The following EFCAB6 variants were observed in gnomAD, a reference collection of about 807,000 sequenced individuals.
EFCAB6 encodes the protein EF-hand calcium binding domain 6.
Under a neutral mutation model 169.8 loss-of-function variants are expected in EFCAB6, and 156 were observed. The observed-to-expected ratio is 0.92, with a 90% CI of 0.81 to 1.05. EFCAB6 has a LOEUF of 1.05. Among genes scored for constraint, EFCAB6 ranks in the 50% least tolerant of loss-of-function variants. The pLI is 0.00. For missense variants in EFCAB6, 1,800 were observed against 1,829.1 expected (o/e 0.98, Z 0.29); for synonymous variants, 698 against 676.4 (o/e 1.03, Z -0.50).
intron 4 of EFCAB6, among the ~76,000 whole-genome samples, chr22:43,768,916 T>C (rs186155846): frequency 6.6e-6 from 1 of 152,334 alleles, no homozygotes; most frequent in Non-Finnish European, 1.5e-5. Flanking sequence ...ATGAGGAAAC[T>C]GATACAATGT....
intron 23 of EFCAB6, among the ~76,000 whole-genome samples, chr22:43,599,093 G>A (rs1264333284): frequency 6.6e-6 from 1 of 152,164 alleles, no homozygotes; most frequent in African/African-American, 2.4e-5. Context: ...TGCCCAAAAC[G>A]TAATGGCCTG....
intron 3 of EFCAB6, among the ~76,000 whole-genome samples, chr22:43,777,632 G>C (rs1316769883): frequency 6.6e-6 from 1 of 152,098 alleles, no homozygotes; most frequent in Non-Finnish European, 1.5e-5. Context: ...TCCTCCTCCT[G>C]CCCCCAGTGT....
At chr22:43,545,574 G>A (rs2048009511) in intron 27 of EFCAB6, among the ~76,000 whole-genome samples, 4 of 152,178 alleles carry the variant, frequency 2.6e-5, no homozygotes, top group African/African-American at 7.2e-5. Context: ...AAAGTTTTGC[G>A]GATTGATGGT....
At chr22:43,724,320 A>T (rs1335957076) in intron 8 of EFCAB6, among the ~76,000 whole-genome samples, 3 of 149,874 alleles carry the variant, frequency 2.0e-5, no homozygotes, top group African/African-American at 7.4e-5. Flanking sequence ...TCCATCTCAG[A>T]CCTTGTCAGA....
intron 3 of EFCAB6, among the ~76,000 whole-genome samples, chr22:43,774,495 C>T (rs1390350221): frequency 6.6e-6 from 1 of 151,780 alleles, no homozygotes; most frequent in South Asian, 2.1e-4. Context: ...CCGACACCCA[C>T]TGAGGGCCCA....
chr22:43,675,793 A>G (rs2057731837), intron 13 of EFCAB6, among the ~76,000 whole-genome samples: 1 of 142,602 alleles, frequency 7.0e-6, no homozygotes, highest in South Asian at 2.1e-4. Context: ...TATATATTAT[A>G]ATATAATATA....
intron 10 of EFCAB6, among the ~76,000 whole-genome samples, chr22:43,692,693 A>G (rs1315431357): frequency 6.6e-6 from 1 of 152,182 alleles, no homozygotes; most frequent in South Asian, 2.1e-4. Context: ...CAATATGAAG[A>G]CTACAGAATA....
chr22:43,582,479 G>A (rs1191072744), intron 24 of EFCAB6, among the ~76,000 whole-genome samples: 2 of 152,132 alleles, frequency 1.3e-5, no homozygotes, highest in Non-Finnish European at 2.9e-5. Context: ...AGCCATCAAT[G>A]TGTGTGAAGA....
At chr22:43,676,957 C>G (rs926388782) in intron 13 of EFCAB6, among the ~76,000 whole-genome samples, 1 of 152,156 alleles carries the variant, frequency 6.6e-6, no homozygotes, top group Admixed American at 6.5e-5. Context: ...GAAACATCAC[C>G]TTTAGGGAAA....
intron 6 of EFCAB6, among the ~76,000 whole-genome samples, chr22:43,751,551 C>A (rs1264921697): frequency 6.6e-6 from 1 of 152,214 alleles, no homozygotes; most frequent in Non-Finnish European, 1.5e-5. Flanking sequence ...TGGGACCCCA[C>A]AGGCAGACAG....
intron 10 of EFCAB6, among the ~76,000 whole-genome samples, chr22:43,694,350 C>A (rs2058501774): frequency 6.6e-6 from 1 of 152,012 alleles, no homozygotes. Flanking sequence ...TAACTCCAGG[C>A]CTAAATGGCT....
At chr22:43,727,399 G>A (rs2059777437) in intron 8 of EFCAB6, among the ~76,000 whole-genome samples, 1 of 152,162 alleles carries the variant, frequency 6.6e-6, no homozygotes, top group Admixed American at 6.5e-5. Flanking sequence ...CTGCATTCCT[G>A]CCTGGGCAAC....
In EFCAB6 at chr22:43,540,241, C is replaced by CTCTCT; in HGVS notation, c.3764_3765insAGAGA (p.Ala1256GlufsTer29). On this transcript the variant is annotated frameshift_variant, in exon 28 of 32. Coordinates refer to ENST00000262726, the MANE Select transcript of EFCAB6 (RefSeq NM_022785.4). LOFTEE classifies it high-confidence loss of function. The stretch of plus-strand genomic sequence containing the variant: ...CACTGCTCCCTCTCTGGGCCACGGC[C>CTCTCT]GAGTCACCAGTGGCCATTGGTGTGG... 1 of 1,614,208 alleles carries CTCTCT rather than the reference C, an allele frequency of 6.2e-7. No individual in the cohort carries two copies. The highest frequency in any genetic ancestry group is 2.2e-5 in the East Asian group (1 of 44,876).
intron 10 of EFCAB6, among the ~76,000 whole-genome samples, chr22:43,697,885 C>T (rs1217638178): frequency 1.3e-5 from 2 of 152,090 alleles, no homozygotes; most frequent in African/African-American, 4.8e-5. Flanking sequence ...CTAATCCATT[C>T]GACAGATGGA....
chr22:43,656,787 G>C (rs578158018), intron 17 of EFCAB6, among the ~76,000 whole-genome samples: 1 of 133,878 alleles, frequency 7.5e-6, no homozygotes, highest in African/African-American at 2.5e-5. Context: ...TTGTTGTAAG[G>C]TTATACCACA....
intron 9 of EFCAB6, among the ~76,000 whole-genome samples, chr22:43,714,262 GA>G (rs2059255075): frequency 1.3e-5 from 2 of 152,076 alleles, no homozygotes; most frequent in South Asian, 4.2e-4. Flanking sequence ...CAACTTGAGA[GA>G]AGATGACAGC....
chr22:43,643,449 C>T (rs968779514), intron 17 of EFCAB6, among the ~76,000 whole-genome samples: 1 of 152,238 alleles, frequency 6.6e-6, no homozygotes, highest in Non-Finnish European at 1.5e-5. Flanking sequence ...CAAGAGCCTG[C>T]CTCACGGTCA....
At chr22:43,648,111 A>T (rs1345766383) in intron 17 of EFCAB6, among the ~76,000 whole-genome samples, 1 of 152,066 alleles carries the variant, frequency 6.6e-6, no homozygotes, top group Non-Finnish European at 1.5e-5. Context: ...ATATATTAAC[A>T]AACATAAATA....
intron 12 of EFCAB6, 97 bp from the exon 13 acceptor site, chr22:43,678,260 C>A (rs2057857283): frequency 8.0e-7 from 1 of 1,249,326 alleles, no homozygotes; most frequent in South Asian, 1.5e-5. Context: ...AAAGAGCGAG[C>A]TTTGGCCAAA....
Sources: allele counts gnomAD v4.1 joint callset (sites outside exome capture counted in the v4.1 genomes callset), GRCh38; gene constraint gnomAD v4.1.1; transcripts MANE v1.5; gene names NCBI Gene and HGNC (gene_info 2026-07-23, HGNC 2026-07-21).